The following LRMDA variants were observed in gnomAD, a reference collection of about 807,000 sequenced individuals.
LRMDA encodes leucine-rich melanocyte differentiation-associated protein.
In LRMDA, 18 loss-of-function variants were observed where a neutral mutation model predicts 29.8. The observed-to-expected ratio is 0.60, with a 90% CI of 0.42 to 0.90. The LOEUF (loss-of-function observed/expected upper bound fraction) is 0.90, where lower values mean the gene tolerates loss of function less well. Ranked by LOEUF, LRMDA falls within the 40% of genes least tolerant of loss-of-function variation. The pLI is 0.00. For missense variants in LRMDA, 273 were observed against 273.9 expected (o/e 1.00, Z 0.02); for synonymous variants, 125 against 109.4 (o/e 1.14, Z -0.89).
At chr10:75,671,725 G>T (rs1485961278) in intron 2 of LRMDA, among the ~76,000 whole-genome samples, 1 of 151,548 alleles carries the variant, frequency 6.6e-6, no homozygotes, top group Non-Finnish European at 1.5e-5. Context: ...ACCATGGCAC[G>T]TGTATACCTA....
At chr10:75,656,967 G>A (rs957157223) in intron 2 of LRMDA, among the ~76,000 whole-genome samples, 27 of 152,166 alleles carry the variant, frequency 1.8e-4, no homozygotes, top group Non-Finnish European at 3.5e-4. Flanking sequence ...TAAGCATCAT[G>A]TTCTGTTTCA....
At chr10:76,158,707 A>C (rs1850588623) in intron 5 of LRMDA, among the ~76,000 whole-genome samples, 1 of 152,192 alleles carries the variant, frequency 6.6e-6, no homozygotes, top group Non-Finnish European at 1.5e-5. Context: ...ATCATGCTGA[A>C]TTCTTATCTC....
intron 6 of LRMDA, among the ~76,000 whole-genome samples, chr10:76,342,501 G>A (rs1021788197): frequency 3.5e-4 from 53 of 151,940 alleles, no homozygotes; most frequent in African/African-American, 1.3e-3. Context: ...TAAATCAAAG[G>A]AAAGTGGAAG....
At chr10:76,377,259 TGTTGA>T (rs1195617515) in intron 6 of LRMDA, among the ~76,000 whole-genome samples, 2 of 152,290 alleles carry the variant, frequency 1.3e-5, no homozygotes, top group African/African-American at 2.4e-5. Context: ...TTGTTTTTCT[TGTTGA>T]GTTGTTTGAG....
chr10:75,953,034 T>G (rs1410551758), intron 2 of LRMDA, among the ~76,000 whole-genome samples: 1 of 152,028 alleles, frequency 6.6e-6, no homozygotes, highest in African/African-American at 2.4e-5. Context: ...GGATTATAGG[T>G]GTGAACCACT....
At chr10:76,220,129 GAA>G (rs1332353344) in intron 5 of LRMDA, among the ~76,000 whole-genome samples, 1 of 152,154 alleles carries the variant, frequency 6.6e-6, no homozygotes, top group Non-Finnish European at 1.5e-5. Context: ...TGTGTACAGG[GAA>G]ATTTATAGCA....
At chr10:75,551,173 T>C (rs1589179202) in intron 2 of LRMDA, among the ~76,000 whole-genome samples, 1 of 151,720 alleles carries the variant, frequency 6.6e-6, no homozygotes, top group East Asian at 1.9e-4. Flanking sequence ...TTTTTTTTTT[T>C]TTTTAACCTA....
intron 2 of LRMDA, among the ~76,000 whole-genome samples, chr10:75,885,425 G>T (rs1042593962): frequency 1.3e-5 from 2 of 152,166 alleles, no homozygotes. Flanking sequence ...TCAGCTTTTC[G>T]TAAGTAAAAT....
chr10:76,269,388 TTA>T (rs1840041195), intron 5 of LRMDA, among the ~76,000 whole-genome samples: 1 of 152,270 alleles, frequency 6.6e-6, no homozygotes, highest in African/African-American at 2.4e-5. Context: ...CCAAAATTAT[TTA>T]TAAAGGCCAC....
At chr10:76,225,342 C>T (rs967019641) in intron 5 of LRMDA, among the ~76,000 whole-genome samples, 1 of 151,814 alleles carries the variant, frequency 6.6e-6, no homozygotes, top group Non-Finnish European at 1.5e-5. Flanking sequence ...ACCCAGGAGA[C>T]GGAGGTTTCA....
intron 2 of LRMDA, among the ~76,000 whole-genome samples, chr10:75,487,179 G>A (rs572132942): frequency 1.3e-5 from 2 of 152,314 alleles, no homozygotes; most frequent in South Asian, 4.1e-4. Flanking sequence ...CTCTTTATAT[G>A]ATGATTTTCT....
At chr10:75,489,134 G>T (rs377252658) in intron 2 of LRMDA, among the ~76,000 whole-genome samples, 6 of 150,604 alleles carry the variant, frequency 4.0e-5, no homozygotes, top group East Asian at 1.9e-4. Flanking sequence ...TTGCTGAACC[G>T]CCTCGACCAT....
At chr10:75,758,117 T>C (rs577192155) in intron 2 of LRMDA, among the ~76,000 whole-genome samples, 8 of 152,288 alleles carry the variant, frequency 5.3e-5, no homozygotes, top group Middle Eastern at 3.4e-3. Flanking sequence ...AATTTTCTTA[T>C]TGAGCCCTGG....
At chr10:76,268,043 A>G (rs1241377171) in intron 5 of LRMDA, among the ~76,000 whole-genome samples, 2 of 152,176 alleles carry the variant, frequency 1.3e-5, no homozygotes, top group Non-Finnish European at 2.9e-5. Flanking sequence ...TAGGCTGTCA[A>G]TAACTTCTCT....
At chr10:75,833,653 A>G (rs1238135598) in intron 2 of LRMDA, among the ~76,000 whole-genome samples, 1 of 152,184 alleles carries the variant, frequency 6.6e-6, no homozygotes, top group Non-Finnish European at 1.5e-5. Context: ...TCTACATCTC[A>G]TCAGCTAAAA....
intron 6 of LRMDA, among the ~76,000 whole-genome samples, chr10:76,413,814 T>C (rs1407011524): frequency 6.6e-6 from 1 of 152,244 alleles, no homozygotes; most frequent in Non-Finnish European, 1.5e-5. Flanking sequence ...TCACCAAATA[T>C]GTGTTGAACT....
rs559068314 is a variant in LRMDA, at chr10:75,977,316, A to T, written c.132-58692A>T. Reference sequence around the variant, plus strand: ...CAATATGCTTTTCGTAATGTTGCAGATGCTTCTTCCCCAGCTTCAGTAAAC... The same window carrying T: ...CAATATGCTTTTCGTAATGTTGCAGTTGCTTCTTCCCCAGCTTCAGTAAAC... On this transcript the variant is annotated intron_variant, in intron 2 of 6. Coordinates refer to ENST00000611255, the MANE Select transcript of LRMDA (RefSeq NM_001305581.2). 2.0e-5 allele frequency among the ~76,000 whole-genome samples: 3 copies of T among 152,244 alleles called. No homozygotes were observed. In the South Asian group the frequency reaches 6.2e-4, roughly 32 times the overall value.
intron 2 of LRMDA, among the ~76,000 whole-genome samples, chr10:75,721,289 A>C (rs996757344): frequency 6.6e-6 from 1 of 151,998 alleles, no homozygotes; most frequent in Non-Finnish European, 1.5e-5. Context: ...CTGTGTGGGG[A>C]TGGAGAGGAA....
At chr10:75,749,696 A>G (rs1842930757) in intron 2 of LRMDA, among the ~76,000 whole-genome samples, 1 of 151,098 alleles carries the variant, frequency 6.6e-6, no homozygotes, top group Non-Finnish European at 1.5e-5. Flanking sequence ...TGGCAGGGTC[A>G]TAGGACAATA....
Sources: gnomAD v4.1 joint callset for allele counts (sites outside exome capture counted in the v4.1 genomes callset) on GRCh38, gnomAD v4.1.1 for gene constraint, MANE v1.5 for transcripts, NCBI Gene and HGNC (gene_info 2026-07-23, HGNC 2026-07-21) for gene names.